STAM: variants seen among roughly 807,000 people sequenced by gnomAD.
STAM encodes the protein signal transducing adapter molecule 1.
Under a neutral mutation model 63.4 loss-of-function variants are expected in STAM, and 16 were observed. The ratio of observed to expected loss-of-function variants is 0.25; its 90% confidence interval spans 0.17 to 0.38. The LOEUF (loss-of-function observed/expected upper bound fraction) is 0.38, where lower values mean the gene tolerates loss of function less well. STAM is among the 10% of genes least tolerant of loss of function. STAM has a pLI of 1.00. For synonymous variants in STAM, 238 were observed against 223.9 expected (o/e 1.06, Z -0.56); for missense variants, 636 against 657.1 (o/e 0.97, Z 0.35).
intron 13 of STAM, among the ~76,000 whole-genome samples, chr10:17,713,966 T>G (rs1554830369): frequency 6.6e-6 from 1 of 152,132 alleles, no homozygotes. Flanking sequence ...CGGCACCCCC[T>G]GCGGCCCCCT....
At chr10:17,673,221 G>GT (rs1834712562) in intron 2 of STAM, 1 of 165,100 alleles carries the variant, frequency 6.1e-6, no homozygotes, top group African/African-American at 2.4e-5. Context: ...CTTATTGTGC[G>GT]TTTTCCCCCT....
intron 1 of STAM, among the ~76,000 whole-genome samples, chr10:17,658,945 T>A (rs1834052000): frequency 6.6e-6 from 1 of 152,218 alleles, no homozygotes; most frequent in African/African-American, 2.4e-5. Context: ...ACTGTTAATA[T>A]ACTTGTGTTA....
chr10:17,692,810 TCTAA>T (rs1188086799), intron 5 of STAM, among the ~76,000 whole-genome samples: 1 of 152,108 alleles, frequency 6.6e-6, no homozygotes, highest in Non-Finnish European at 1.5e-5. Flanking sequence ...AAATGATAAC[TCTAA>T]CTATTAATAG....
intron 2 of STAM, among the ~76,000 whole-genome samples, chr10:17,683,797 T>C (rs1554825759): frequency 6.6e-6 from 1 of 152,248 alleles, no homozygotes; most frequent in Admixed American, 6.5e-5. Flanking sequence ...CTGCTAGTTG[T>C]GTATGGTAGT....
chr10:17,667,560 A>G (rs7906513), intron 2 of STAM, among the ~76,000 whole-genome samples: 16,474 of 152,286 alleles, frequency 0.11, 973 homozygotes, highest in Middle Eastern at 0.16. Flanking sequence ...TGAATGCCAA[A>G]TATCATGCTT....
intron 9 of STAM, among the ~76,000 whole-genome samples, chr10:17,701,097 T>G (rs1292321924): frequency 2.0e-5 from 3 of 152,204 alleles, no homozygotes; most frequent in Non-Finnish European, 2.9e-5. Context: ...ACACCATACT[T>G]TTTGGAGCCA....
intron 2 of STAM, among the ~76,000 whole-genome samples, chr10:17,676,505 T>C (rs1232176652): frequency 6.6e-6 from 1 of 152,178 alleles, no homozygotes; most frequent in Non-Finnish European, 1.5e-5. Flanking sequence ...GAAAAAGACA[T>C]TGGAAGCTGC....
At chr10:17,675,794 A>G (rs782547420) in intron 2 of STAM, among the ~76,000 whole-genome samples, 1 of 150,036 alleles carries the variant, frequency 6.7e-6, no homozygotes, top group Non-Finnish European at 1.5e-5. Context: ...TTTGGTACCT[A>G]TTGAATTTTT....
chr10:17,708,655 G>GA (rs1554829639), intron 12 of STAM, 121 bp from the exon 13 acceptor site: 6 of 1,048,176 alleles, frequency 5.7e-6, no homozygotes. Context: ...AAATAACTTT[G>GA]AAAAAAGGAT....
chr10:17,714,982 A>G lies in STAM; in HGVS notation c.*202A>G, dbSNP rs1836751116. 1.8e-6 allele frequency: 1 copy of G among 571,032 alleles called. No individual in the cohort carries two copies. The highest frequency in any genetic ancestry group is 3.1e-6 in the Non-Finnish European group (1 of 320,248). The allele number at this position is 571,032 out of a possible 1,614,324, so 35.4% of individuals were successfully genotyped here. On this transcript the variant is annotated 3_prime_UTR_variant, in exon 14 of 14. Transcript: ENST00000377524. The stretch of plus-strand genomic sequence containing the variant: ...CTTCCCCCCCCGCCCCTGCAGAGGA[A>G]TGAAACTACTTACAACATTTAATTC...
At chr10:17,658,175 A>G (rs1834017586) in intron 1 of STAM, among the ~76,000 whole-genome samples, 1 of 151,500 alleles carries the variant, frequency 6.6e-6, no homozygotes, top group East Asian at 1.9e-4. Flanking sequence ...CTTAGTTCAA[A>G]GTATTTTAAA....
intron 2 of STAM, among the ~76,000 whole-genome samples, chr10:17,683,556 CT>C (rs1835173459): frequency 6.6e-6 from 1 of 152,026 alleles, no homozygotes. Flanking sequence ...AGTTTGGGTA[CT>C]TTCAGCATAT....
intron 5 of STAM, among the ~76,000 whole-genome samples, chr10:17,689,706 G>C (rs1363332266): frequency 6.6e-6 from 1 of 152,188 alleles, no homozygotes; most frequent in Non-Finnish European, 1.5e-5. Flanking sequence ...AGAATAGGTA[G>C]AGAAAATGCA....
intron 12 of STAM, among the ~76,000 whole-genome samples, chr10:17,706,632 G>A (rs782720576): frequency 2.6e-5 from 4 of 151,934 alleles, no homozygotes; most frequent in African/African-American, 7.3e-5. Flanking sequence ...ACCCGCCTCG[G>A]CCTCCCAAAG....
intron 9 of STAM, 45 bp downstream of exon 9, chr10:17,700,324 A>G (rs1835936765): frequency 3.5e-6 from 5 of 1,434,390 alleles, no homozygotes; most frequent in Non-Finnish European, 4.7e-6. Flanking sequence ...TTGTATTGAA[A>G]TTTAAATGGT....
At chr10:17,662,261 C>G (rs1266933896) in intron 2 of STAM, among the ~76,000 whole-genome samples, 3 of 151,990 alleles carry the variant, frequency 2.0e-5, no homozygotes, top group Admixed American at 6.6e-5. Flanking sequence ...TATCTGAGTT[C>G]CAGTGCTTTT....
intron 1 of STAM, among the ~76,000 whole-genome samples, chr10:17,652,522 A>C (rs777834877): frequency 6.6e-6 from 1 of 152,248 alleles, no homozygotes; most frequent in African/African-American, 2.4e-5. Context: ...ATAGCACTCA[A>C]CTATGATAGT....
rs116709625 is a variant in STAM at position 17,695,209 on chromosome 10, A to C, written c.696A>C (p.Lys232Asn). 6.2e-7 allele frequency: 1 copy of C among 1,613,856 alleles called. No individual in the cohort carries two copies. Among genetic ancestry groups the C allele is most frequent in the Admixed American group, 1.7e-5 (1 of 59,994 alleles). ...CTGAAGACAATGAACTTACTTTTAA[A>C]GCTGGAGAAATTATTACAGTTCTTG... Reference protein sequence around the residue: ...EAAEDNELTFKAGEIITVLDD... With the variant: ...EAAEDNELTFNAGEIITVLDD... Residue 232 changes from lysine (K) to asparagine (N), a missense_variant, in exon 7 of 14, where the codon AAA becomes AAC. Lys to Asn is a moderately conservative substitution (Grantham distance 94). This residue lies in a region of STAM where 532 missense variants were observed against 536.9 expected (regional missense o/e 0.99). Transcript: ENST00000377524.
intron 2 of STAM, among the ~76,000 whole-genome samples, chr10:17,680,701 C>T (rs1554825250): frequency 6.6e-6 from 1 of 152,172 alleles, no homozygotes; most frequent in Admixed American, 6.6e-5. Context: ...GTCACTGTGC[C>T]CGGCCTTGAT....
Sources: gnomAD v4.1 joint callset for allele counts (sites outside exome capture counted in the v4.1 genomes callset) on GRCh38, gnomAD v4.1.1 for gene constraint, gnomAD v4.1.1 regional missense constraint, MANE v1.5 for transcripts, NCBI Gene and HGNC (gene_info 2026-07-23, HGNC 2026-07-21) for gene names.